LRP5: variants seen among roughly 807,000 people sequenced by gnomAD.
The protein encoded by LRP5 is LDL receptor related protein 5, also known as low-density lipoprotein receptor-related protein 5.
In LRP5, 62 loss-of-function variants were observed where a neutral mutation model predicts 154.1. That is an observed-to-expected ratio of 0.40 (90% CI 0.33 to 0.50). The LOEUF (loss-of-function observed/expected upper bound fraction) is 0.50. LRP5 is among the 20% of genes least tolerant of loss of function. LRP5 has a pLI of 0.55. For missense variants in LRP5, 1,915 were observed against 2,336.7 expected, an observed-to-expected ratio of 0.82 and a Z score of 3.72; for synonymous variants, 966 against 1,011.5, an observed-to-expected ratio of 0.96 and a Z score of 0.85.
At chr11:68,359,015 CTT>C (rs1166631136) in intron 3 of LRP5, among the ~76,000 whole-genome samples, 4 of 152,244 alleles carry the variant, frequency 2.6e-5, no homozygotes, top group African/African-American at 9.6e-5. Context: ...CATGAACAGA[CTT>C]GAGGGCTTGG....
intron 2 of LRP5, among the ~76,000 whole-genome samples, chr11:68,349,963 C>T (rs766385527): frequency 5.9e-5 from 9 of 152,176 alleles, no homozygotes; most frequent in Non-Finnish European, 1.2e-4. Flanking sequence ...ACACAAGAGC[C>T]ATTTCCCACC....
At position 68,403,768 on chromosome 11, in the gene LRP5, A is replaced by C. The variant is rs1591284917; in HGVS notation, c.1801+69A>C. ...TGCATGAGGAGGAAGTGACGGGTCC[A>C]TGCCTGGGCATAAGTGTTGAGCTCA... is the stretch of plus-strand genomic sequence containing the variant. On this transcript the variant is annotated intron_variant, in intron 8 of 22. Transcript: ENST00000294304. 1.0e-5 allele frequency: 16 copies of C among 1,584,040 alleles called. No individual in the cohort carries two copies. The Admixed American group carries it at 1.0e-4, about 10-fold the overall frequency.
intron 21 of LRP5, among the ~76,000 whole-genome samples, chr11:68,442,342 A>G (rs949305300): frequency 3.3e-5 from 5 of 152,162 alleles, no homozygotes; most frequent in African/African-American, 1.2e-4. Context: ...TGGCACAATC[A>G]CAGCTCACTG....
chr11:68,312,883 G>GCGC, intron 1 of LRP5, 78 bp downstream of exon 1: 1 of 815,942 alleles, frequency 1.2e-6, no homozygotes, highest in Non-Finnish European at 1.5e-6. Flanking sequence ...AAGTGCGCGG[G>GCGC]CGCCGCCGCC....
At chr11:68,408,448 G>A (rs947092299) in intron 9 of LRP5, among the ~76,000 whole-genome samples, 1 of 151,578 alleles carries the variant, frequency 6.6e-6, no homozygotes, top group Admixed American at 6.6e-5. Context: ...AGGGTTCTTT[G>A]TAGAAAAAAA....
At chr11:68,305,671 G>T in the LRP5 span, among the ~76,000 whole-genome samples, 1 of 152,132 alleles carries the variant, frequency 6.6e-6, no homozygotes, top group Non-Finnish European at 1.5e-5. Flanking sequence ...TTGAACTCCT[G>T]ACCTCAAGTG....
chr11:68,355,949 C>T (rs1027720428), intron 2 of LRP5, among the ~76,000 whole-genome samples: 1 of 151,990 alleles, frequency 6.6e-6, no homozygotes, highest in Non-Finnish European at 1.5e-5. Flanking sequence ...ACGCCATTCT[C>T]CTGCCTCAGC....
In LRP5 at chr11:68,443,594, T is replaced by A. The variant is rs1267250972; in HGVS notation, c.4489-2842T>A. Among the ~76,000 whole-genome samples, 8 of 113,940 alleles carry A rather than the reference T, an allele frequency of 7.0e-5. No individual in the cohort carries two copies. In the East Asian group the frequency reaches 1.9e-3, roughly 28 times the overall value. 74.7% of individuals were successfully genotyped at this position (113,940 alleles called of 152,430 possible). ...ATATATATATATATATATTTTTTTT[T>A]TTTTTGGTTATGTTCAGAAAGGCCT... On this transcript the variant is annotated intron_variant, in intron 21 of 22. Transcript: ENST00000294304.
chr11:68,435,483 G>GAGAGAGAGA lies in LRP5; in HGVS notation c.4001-1406_4001-1405insAGAGAGAGA, dbSNP rs1591324375. ...ATCACATGGTGAGAGAGGGAGCAAC[G>GAGAGAGAGA]GAGAGAGAGAGAGAGCGCCTCTCCC... On this transcript the variant is annotated intron_variant, in intron 18 of 22. Coordinates refer to ENST00000294304, the MANE Select transcript of LRP5 (RefSeq NM_002335.4). 4.7e-5 allele frequency among the ~76,000 whole-genome samples: 7 copies of GAGAGAGAGA among 150,350 alleles called. No homozygotes were observed. In the East Asian group the frequency reaches 1.4e-3, roughly 30 times the overall value.
At chr11:68,406,449 T>C (rs1034425670) in intron 8 of LRP5, 75 bp from the exon 9 acceptor site, 11 of 1,473,130 alleles carry the variant, frequency 7.5e-6, no homozygotes, top group African/African-American at 1.4e-5. Context: ...GCAGCATTCA[T>C]TGTGTGGCTT....
In LRP5 at chr11:68,438,489, T is replaced by A; in HGVS notation, c.4155T>A (p.Ser1385Arg). 2 of 1,614,194 alleles carry A rather than the reference T, an allele frequency of 1.2e-6. No individual in the cohort carries two copies. The highest frequency in any genetic ancestry group is 1.3e-5 in the African/African-American group (1 of 75,070). The change falls in exon 20 of 23, where the codon AGT becomes AGA. Residue 1385 changes from serine (S) to arginine (R), a missense_variant. By Grantham distance (110) the Ser-to-Arg change is moderately radical (BLOSUM62 -1). Transcript: ENST00000294304. ...CAGACGACAGCCCGGCCCACAGCAGTGCCATCGGGCCCGTCATTGGCATCA... is the reference window on the plus strand; with the variant it reads ...CAGACGACAGCCCGGCCCACAGCAGAGCCATCGGGCCCGTCATTGGCATCA... ...PPSDDSPAHSSAIGPVIGIIL... is the reference protein window; with the variant it reads ...PPSDDSPAHSRAIGPVIGIIL...
At chr11:68,412,918 G>A (rs1166344083) in intron 11 of LRP5, 2 of 171,780 alleles carry the variant, frequency 1.2e-5, no homozygotes, top group Non-Finnish European at 2.5e-5. Context: ...TTTTACAGAT[G>A]AGGAGGCTGG....
chr11:68,339,810 T>C (rs1397096528), intron 1 of LRP5, among the ~76,000 whole-genome samples: 3 of 152,214 alleles, frequency 2.0e-5, no homozygotes, highest in African/African-American at 7.2e-5. Flanking sequence ...TACCTGTATG[T>C]GTACATACAT....
At chr11:68,304,875 A>G in the LRP5 span, among the ~76,000 whole-genome samples, 2 of 152,218 alleles carry the variant, frequency 1.3e-5, no homozygotes, top group African/African-American at 4.8e-5. Flanking sequence ...CCCCCATTGT[A>G]TCTCAGCAGT....
chr11:68,368,157 T>C (rs142436641), intron 5 of LRP5, among the ~76,000 whole-genome samples: 121 of 149,288 alleles, frequency 8.1e-4, no homozygotes, highest in African/African-American at 2.8e-3. Flanking sequence ...TTCCAGAAAA[T>C]ATCTGAGAAG....
chr11:68,325,811 G>A (rs193194211), intron 1 of LRP5, among the ~76,000 whole-genome samples: 64 of 152,344 alleles, frequency 4.2e-4, no homozygotes, highest in Admixed American at 7.8e-4. Flanking sequence ...TTCCCCATCC[G>A]TGATAGGGAA....
intron 5 of LRP5, among the ~76,000 whole-genome samples, chr11:68,382,439 G>GC (rs1269804955): frequency 1.3e-5 from 2 of 152,198 alleles, no homozygotes; most frequent in East Asian, 1.9e-4. Flanking sequence ...ATCTCAGCAG[G>GC]CCCCCCACAC....
intron 1 of LRP5, among the ~76,000 whole-genome samples, chr11:68,338,117 T>TCATGCTGGCA (rs1334054041): frequency 6.6e-6 from 1 of 152,224 alleles, no homozygotes; most frequent in African/African-American, 2.4e-5. Context: ...GTCTCTTCCA[T>TCATGCTGGCA]CATGCTGGCA....
chr11:68,413,917 G>C lies in LRP5; in HGVS notation c.2732G>C (p.Gly911Ala). The C allele has an allele frequency of 6.2e-7, 1 of 1,612,094 alleles. No homozygotes were observed. The highest frequency in any genetic ancestry group is 1.7e-5 in the Admixed American group (1 of 60,030). The change falls in exon 12 of 23, where the codon GGG becomes GCG. Residue 911 changes from glycine (G) to alanine (A), a missense_variant. By Grantham distance (60) the Gly-to-Ala change is moderately conservative. This residue lies in a region of LRP5 where 1,094 missense variants were observed against 1,210.1 expected (regional missense o/e 0.90). Coordinates refer to ENST00000294304, the MANE Select transcript of LRP5 (RefSeq NM_002335.4). This position sits in a 1 kb window ranked among gnomAD's most constrained non-coding sequence, Gnocchi z 5.1. ...DGLNDCMHNN[G>A]QCGQLCLAIP... ...CTCAATGACTGTATGCACAACAACG[G>C]GCAGTGTGGGCAGCTGTGCCTTGCC...
Sources: gnomAD v4.1 joint callset for allele counts (sites outside exome capture counted in the v4.1 genomes callset) on GRCh38, gnomAD v4.1.1 for gene constraint, gnomAD v4.1.1 regional missense constraint, Gnocchi (gnomAD v3.1) non-coding constraint, MANE v1.5 for transcripts, NCBI Gene and HGNC (gene_info 2026-07-23, HGNC 2026-07-21) for gene names.